SI: variants seen among roughly 807,000 people sequenced by gnomAD.
SI encodes sucrase-isomaltase, intestinal.
A neutral mutation model predicts 253.3 loss-of-function variants in SI; 235 were observed. The observed-to-expected ratio is 0.93, with a 90% CI of 0.83 to 1.03. SI has a LOEUF of 1.03. Among genes scored for constraint, SI ranks in the 50% least tolerant of loss-of-function variants. The probability of loss-of-function intolerance (pLI) is 0.00; values close to 1 mark genes in which losing one functional copy is unlikely to be tolerated. For synonymous variants in SI, 819 were observed against 712.0 expected (o/e 1.15, Z -2.39); for missense variants, 2,442 against 2,211.1 (o/e 1.10, Z -2.09).
chr3:165,025,082 C>T (rs1039215385), intron 25 of SI, among the ~76,000 whole-genome samples: 3 of 151,150 alleles, frequency 2.0e-5, no homozygotes, highest in Admixed American at 6.6e-5. Flanking sequence ...TTCTAAGCCT[C>T]CTTTGTCATT....
Position 165,010,413 on chromosome 3 carries a change from G to A in SI, c.4063-1018C>T, listed in dbSNP as rs577162407. On this transcript the variant is annotated intron_variant, in intron 34 of 47. Transcript: ENST00000264382. ...TGACCTCAGGTGATCCACACGCCTC[G>A]GCCTCCCAAAGTGCTGGGATTACAG... 2.0e-5 allele frequency among the ~76,000 whole-genome samples: 3 copies of A among 152,018 alleles called. No individual in the cohort carries two copies. The South Asian group carries it at 6.2e-4, about 32-fold the overall frequency.
intron 25 of SI, 57 bp from the exon 26 acceptor site, chr3:165,023,833 C>G: frequency 8.0e-7 from 1 of 1,249,818 alleles, no homozygotes; most frequent in Non-Finnish European, 1.2e-6. Flanking sequence ...ATATTTTACT[C>G]TTTAAAATTA....
intron 26 of SI, among the ~76,000 whole-genome samples, chr3:165,023,330 A>G (rs1315243441): frequency 1.3e-5 from 2 of 151,586 alleles, no homozygotes; most frequent in Non-Finnish European, 3.0e-5. Flanking sequence ...GTATTTTGTA[A>G]GAATTTAAAT....
intron 17 of SI, among the ~76,000 whole-genome samples, chr3:165,042,762 T>G (rs1272018787): frequency 6.6e-6 from 1 of 152,118 alleles, no homozygotes; most frequent in African/African-American, 2.4e-5. Flanking sequence ...TCTAAAAGCT[T>G]TGGCTCTACT....
In SI at chr3:165,064,146, T is replaced by C. The variant is rs1038827551; in HGVS notation, c.808-605A>G. 1.1e-4 allele frequency among the ~76,000 whole-genome samples: 17 copies of C among 152,056 alleles called. 1 individual carries two copies. The highest frequency in any genetic ancestry group is 4.1e-4 in the African/African-American group (17 of 41,538). On this transcript the variant is annotated intron_variant, in intron 7 of 47. Coordinates refer to ENST00000264382, the MANE Select transcript of SI (RefSeq NM_001041.4). Reference sequence around the variant, plus strand: ...TCATGATAAGGTAATGGCATGTTTATCAGTTAGGCCCATGTATGCCCAAGG... The same window carrying C: ...TCATGATAAGGTAATGGCATGTTTACCAGTTAGGCCCATGTATGCCCAAGG...
chr3:165,068,665 G>A (rs1367343791), intron 5 of SI, 57 bp downstream of exon 5: 1 of 1,277,246 alleles, frequency 7.8e-7, no homozygotes, highest in Non-Finnish European at 1.1e-6. Flanking sequence ...GAGCCACCGC[G>A]CCCAGCCCAT....
chr3:165,058,951 A>G lies in SI; in HGVS notation c.1398+12T>C, dbSNP rs115295826. Reference sequence around the variant, plus strand: ...TTTGAGCAACATAGTTTTAATAAATATCATATTTTACCTCTCCAATAATTG... The same window carrying G: ...TTTGAGCAACATAGTTTTAATAAATGTCATATTTTACCTCTCCAATAATTG... On this transcript the variant is annotated intron_variant, in intron 12 of 47. Coordinates refer to ENST00000264382, the MANE Select transcript of SI (RefSeq NM_001041.4). 1,491 of 1,608,096 alleles carry G rather than the reference A, an allele frequency of 9.3e-4. 16 individuals are homozygous for G. In the African/African-American group the frequency reaches 0.018, roughly 19 times the overall value.
intron 44 of SI, among the ~76,000 whole-genome samples, chr3:164,989,365 A>AAAGAAAGG (rs1430851949): frequency 1.6e-5 from 2 of 121,416 alleles, no homozygotes; most frequent in Admixed American, 1.9e-4. Flanking sequence ...AGAAAGAAAG[A>AAAGAAAGG]AAGAAAGGAA....
rs145842794 is a variant in SI at position 165,020,175 on chromosome 3, T to C, written c.3255-405A>G. Among the ~76,000 whole-genome samples, 180 of 151,824 alleles carry C rather than the reference T, an allele frequency of 1.2e-3. 3 individuals are homozygous for C. In the East Asian group the frequency reaches 0.03, roughly 25 times the overall value. ...TTTTTTTCTACATATGGAATAAAAA[T>C]ACATCAATATTATAATGAATTTTAA... On this transcript the variant is annotated intron_variant, in intron 27 of 47. Coordinates refer to ENST00000264382, the MANE Select transcript of SI (RefSeq NM_001041.4).
At chr3:165,000,330 G>A (rs1380500139) in intron 37 of SI, among the ~76,000 whole-genome samples, 8 of 150,358 alleles carry the variant, frequency 5.3e-5, no homozygotes, top group Non-Finnish European at 1.0e-4. Context: ...ACATAAAGTA[G>A]TTTCACACAA....
upstream of SI, among the ~76,000 whole-genome samples, chr3:165,082,087 A>C (rs1055446025): frequency 3.9e-5 from 6 of 151,938 alleles, no homozygotes; most frequent in African/African-American, 1.2e-4. Context: ...GATTCTTAGA[A>C]GCTTCATACC....
chr3:164,995,719 T>C (rs1195630209), intron 40 of SI, among the ~76,000 whole-genome samples: 2 of 151,818 alleles, frequency 1.3e-5, no homozygotes, highest in Non-Finnish European at 2.9e-5. Context: ...AATACCTTTC[T>C]GAGCACTTTT....
chr3:164,984,720 T>C (rs1342625099), intron 45 of SI, among the ~76,000 whole-genome samples: 1 of 152,132 alleles, frequency 6.6e-6, no homozygotes, highest in Non-Finnish European at 1.5e-5. Flanking sequence ...TTAGGAGAAG[T>C]TCATTTTGAT....
chr3:165,025,441 A>C lies in SI; in HGVS notation c.2893-1665T>G, dbSNP rs1197940156. Among the ~76,000 whole-genome samples, 11 of 151,296 alleles carry C rather than the reference A, an allele frequency of 7.3e-5. No individual in the cohort carries two copies. The East Asian group carries it at 2.1e-3, about 29-fold the overall frequency. ...AAAACATATTTGAAGGAATAATCAA[A>C]GAAAACTTCCCTGGCCTTGCTAGAG... On this transcript the variant is annotated intron_variant, in intron 25 of 47. Coordinates refer to ENST00000264382, the MANE Select transcript of SI (RefSeq NM_001041.4).
Position 165,046,909 on chromosome 3 carries a change from C to T in SI, c.1819G>A (p.Ala607Thr). Reference sequence around the variant, plus strand: ...GACCATTCCATTTGTTCCCATGAAGCAGTATTGTCTCCTAACCAATGCGCA... The same window carrying T: ...GACCATTCCATTTGTTCCCATGAAGTAGTATTGTCTCCTAACCAATGCGCA... ...HAAHWLGDNT[A>T]SWEQMEWSIT... The change falls in exon 16 of 48, where the codon GCT becomes ACT. Residue 607 changes from alanine to threonine, a missense_variant. Physicochemically the swap from Ala to Thr is moderately conservative, Grantham distance 58. Transcript: ENST00000264382. The T allele has an allele frequency of 6.2e-7, 1 of 1,613,180 alleles. No homozygotes were observed. The highest frequency in any genetic ancestry group is 8.5e-7 in the Non-Finnish European group (1 of 1,179,464).
chr3:165,075,160 C>T (rs566034677), intron 2 of SI, among the ~76,000 whole-genome samples: 7 of 151,906 alleles, frequency 4.6e-5, no homozygotes, highest in South Asian at 2.1e-4. Context: ...TAGATACCAA[C>T]GCCATATAAA....
intron 20 of SI, among the ~76,000 whole-genome samples, chr3:165,038,742 G>A (rs1042167653): frequency 2.0e-5 from 3 of 151,794 alleles, no homozygotes; most frequent in Admixed American, 2.0e-4. Context: ...CTGGCAATAA[G>A]ATAAATATGT....
At position 165,065,373 on chromosome 3, in the gene SI, C is replaced by T. The variant is rs747345955; in HGVS notation, c.695G>A (p.Arg232His). Residue 232 changes from arginine (R) to histidine (H), a missense_variant, in exon 7 of 48, where the codon CGT (arginine) becomes CAT (histidine). By Grantham distance (29) the Arg-to-His change is conservative. Transcript: ENST00000264382. ...ACCATAAATATAATCACTTGGAAGA[C>T]GGGTTGAGATCTGTAAGTACTGGTC... The part of the protein sequence containing the change: ...YSDQYLQIST[R>H]LPSDYIYGIG... 64 of 1,589,150 alleles carry T rather than the reference C, an allele frequency of 4.0e-5. No homozygotes were observed. The highest frequency in any genetic ancestry group is 1.4e-4 in the South Asian group (13 of 90,552).
At chr3:165,013,199 C>A (rs1718851168) in intron 33 of SI, among the ~76,000 whole-genome samples, 157 bp from the exon 34 acceptor site, 2 of 152,106 alleles carry the variant, frequency 1.3e-5, no homozygotes. Flanking sequence ...GACACACATA[C>A]CATTTGCAAA....
Sources: gnomAD v4.1 joint callset for allele counts (sites outside exome capture counted in the v4.1 genomes callset) on GRCh38, gnomAD v4.1.1 for gene constraint, MANE v1.5 for transcripts, NCBI Gene and HGNC (gene_info 2026-07-23, HGNC 2026-07-21) for gene names.